Variants in ROBO1 observed in about 807,000 individuals in gnomAD.
ROBO1 encodes the protein roundabout guidance receptor 1.
In ROBO1, 149 loss-of-function variants were observed where a neutral mutation model predicts 195.9. The observed-to-expected ratio is 0.76, with a 90% confidence interval of 0.67 to 0.87. The LOEUF is 0.87. Among genes scored for constraint, ROBO1 ranks in the 40% least tolerant of loss-of-function variants. The pLI, the probability that ROBO1 is intolerant of heterozygous loss-of-function variation, is 0.00. For synonymous variants in ROBO1, 816 were observed against 733.2 expected (o/e 1.11, Z -1.82); for missense variants, 1,933 against 2,068.3 (o/e 0.93, Z 1.27).
chr3:79,395,925 G>A (rs933099867), intron 2 of ROBO1, among the ~76,000 whole-genome samples: 6 of 151,956 alleles, frequency 3.9e-5, no homozygotes, highest in Admixed American at 2.6e-4. Flanking sequence ...CTTTGCATTG[G>A]AAATGCTATA....
intron 4 of ROBO1, among the ~76,000 whole-genome samples, chr3:78,805,781 T>C (rs2108598978): frequency 6.6e-6 from 1 of 151,980 alleles, no homozygotes; most frequent in African/African-American, 2.4e-5. Flanking sequence ...TTAGATCTAT[T>C]AGTTAGTATA....
At chr3:79,750,194 G>T (rs986617189) in intron 1 of ROBO1, among the ~76,000 whole-genome samples, 2 of 152,230 alleles carry the variant, frequency 1.3e-5, no homozygotes, top group Non-Finnish European at 2.9e-5. Flanking sequence ...TTTCAGAATT[G>T]CATGGGGGCT....
At chr3:79,538,177 T>C (rs1322786515) in intron 2 of ROBO1, among the ~76,000 whole-genome samples, 1 of 152,184 alleles carries the variant, frequency 6.6e-6, no homozygotes, top group African/African-American at 2.4e-5. Context: ...CATGTGTGGC[T>C]GCTAGCCTTT....
chr3:78,599,857 T>C (rs762945554), intron 30 of ROBO1, among the ~76,000 whole-genome samples: 2 of 152,246 alleles, frequency 1.3e-5, no homozygotes, highest in African/African-American at 2.4e-5. Flanking sequence ...TTGCCATATA[T>C]GTTTCTTATC....
At chr3:79,160,738 A>G (rs2080942961) in intron 2 of ROBO1, among the ~76,000 whole-genome samples, 1 of 152,084 alleles carries the variant, frequency 6.6e-6, no homozygotes, top group Non-Finnish European at 1.5e-5. Context: ...CAGGATGAAC[A>G]GTGAGAAACA....
rs148720999 is a variant in ROBO1, at chr3:79,430,549, T to C, written c.88+159275A>G. Among the ~76,000 whole-genome samples, 236 of 152,230 alleles carry C rather than the reference T, an allele frequency of 1.6e-3. 1 individual carries two copies. Among genetic ancestry groups the C allele is most frequent in the African/African-American group, 5.4e-3 (225 of 41,562 alleles). ...AAGCCCCAAATAGCTGAAGTGCTAA[T>C]TGGGAACAAAAGGAGCACAGAAGGA... On this transcript the variant is annotated intron_variant, in intron 2 of 30. Transcript: ENST00000464233.
intron 1 of ROBO1, among the ~76,000 whole-genome samples, chr3:79,594,349 T>C (rs1421695246): frequency 6.6e-6 from 1 of 152,032 alleles, no homozygotes; most frequent in Non-Finnish European, 1.5e-5. Context: ...ACGTTTTCCA[T>C]GGATGTGTAC....
intron 2 of ROBO1, among the ~76,000 whole-genome samples, chr3:79,154,509 A>G (rs2080825731): frequency 6.6e-6 from 1 of 151,802 alleles, no homozygotes; most frequent in Admixed American, 6.6e-5. Context: ...ATCAAAGTCT[A>G]AAGTATGGCA....
rs368110549 is a variant in ROBO1, at chr3:79,303,159, G to GTTTTTTTTTTTTTT, written c.89-177621_89-177620insAAAAAAAAAAAAAA. Among the ~76,000 whole-genome samples, 5 of 72,090 alleles carry GTTTTTTTTTTTTTT rather than the reference G, an allele frequency of 6.9e-5. 1 individual carries two copies. Among genetic ancestry groups the GTTTTTTTTTTTTTT allele is most frequent in the East Asian group, 4.0e-4 (1 of 2,500 alleles). 47.3% of individuals were successfully genotyped at this position (72,090 alleles called of 152,430 possible). On this transcript the variant is annotated intron_variant, in intron 2 of 30. Transcript: ENST00000464233. ...ATTAATATATGAATTATCTCACATAGGTTTTTTTTTTTTTTTTTTTTTTTG... is the reference window on the plus strand; with the variant it reads ...ATTAATATATGAATTATCTCACATAGTTTTTTTTTTTTTTGTTTTTTTTTTTTTTTTTTTTTTTG...
chr3:79,575,202 A>ATAACATATATAAATATATC (rs1376839682), intron 2 of ROBO1, among the ~76,000 whole-genome samples: 2 of 124,184 alleles, frequency 1.6e-5, no homozygotes, highest in Admixed American at 9.1e-5. Context: ...ATAAATATAT[A>ATAACATATATAAATATATC]TATAACAGAT....
chr3:79,281,433 T>C (rs1219076616), intron 2 of ROBO1, among the ~76,000 whole-genome samples: 3 of 152,110 alleles, frequency 2.0e-5, no homozygotes, highest in African/African-American at 7.2e-5. Flanking sequence ...GGGAATACTT[T>C]TTATCTTTTT....
chr3:79,556,086 C>G (rs1942688805), intron 2 of ROBO1, among the ~76,000 whole-genome samples: 1 of 151,994 alleles, frequency 6.6e-6, no homozygotes, highest in Non-Finnish European at 1.5e-5. Context: ...CATATTGAGT[C>G]AAAATGCCTT....
chr3:79,018,335 G>A (rs144500030), intron 3 of ROBO1: 16 of 1,577,224 alleles, frequency 1.0e-5, no homozygotes, highest in Non-Finnish European at 1.3e-5. Flanking sequence ...TACACTTCTG[G>A]GTTTGATCGT....
chr3:79,178,144 G>A (rs949833275), intron 2 of ROBO1, among the ~76,000 whole-genome samples: 2 of 152,162 alleles, frequency 1.3e-5, no homozygotes, highest in African/African-American at 4.8e-5. Flanking sequence ...AAAAACATTG[G>A]CTGGTAAAAG....
At chr3:79,762,743 A>T (rs9309834) in intron 1 of ROBO1, among the ~76,000 whole-genome samples, 52,320 of 151,894 alleles carry the variant, frequency 0.34, 9,692 homozygotes, top group African/African-American at 0.49. Context: ...CATATCACAG[A>T]GTACCTTCAA....
In ROBO1 at chr3:78,662,061, C is replaced by A; in HGVS notation, c.2020G>T (p.Gly674Ter). Residue 674 changes from glycine (G) to a stop codon, truncating the protein, a stop_gained, in exon 15 of 31, where the codon GGA becomes TGA. Transcript: ENST00000464233. LOFTEE classifies it high-confidence loss of function. The part of the protein sequence containing the change: ...VDHKQVQREL[G>*]NAVLHLHNPT... ...TTGTGGAGGTGCAGAACAGCATTTC[C>A]CAGCTCTCTCTGGACCTGCTTGTGG... The A allele has an allele frequency of 6.3e-7, 1 of 1,590,910 alleles. No homozygotes were observed. Among genetic ancestry groups the A allele is most frequent in the Non-Finnish European group, 8.6e-7 (1 of 1,168,028 alleles).
At chr3:79,750,099 A>G (rs1704065079) in intron 1 of ROBO1, among the ~76,000 whole-genome samples, 1 of 152,100 alleles carries the variant, frequency 6.6e-6, no homozygotes, top group African/African-American at 2.4e-5. Context: ...TGGGAACACG[A>G]CTCTTGCATC....
intron 2 of ROBO1, among the ~76,000 whole-genome samples, chr3:79,206,217 T>C (rs887743333): frequency 6.6e-6 from 1 of 152,154 alleles, no homozygotes; most frequent in Non-Finnish European, 1.5e-5. Context: ...GTAGCCATCT[T>C]GGTTATCAGA....
At chr3:78,762,997 C>T (rs2083143416) in intron 4 of ROBO1, among the ~76,000 whole-genome samples, 1 of 152,050 alleles carries the variant, frequency 6.6e-6, no homozygotes, top group Non-Finnish European at 1.5e-5. Flanking sequence ...AAGCACCATA[C>T]CACATGATGT....
Sources: allele counts gnomAD v4.1 joint callset (sites outside exome capture counted in the v4.1 genomes callset), GRCh38; gene constraint gnomAD v4.1.1; transcripts MANE v1.5; gene names NCBI Gene and HGNC (gene_info 2026-07-23, HGNC 2026-07-21).